Variants in EPS8 observed in about 807,000 individuals in gnomAD.
EPS8 encodes epidermal growth factor receptor kinase substrate 8.
In EPS8, 42 loss-of-function variants were observed where a neutral mutation model predicts 103.8. That is an observed-to-expected ratio of 0.40 (90% CI 0.32 to 0.52). The LOEUF (loss-of-function observed/expected upper bound fraction) is 0.52, where lower values mean the gene tolerates loss of function less well. Among genes scored for constraint, EPS8 ranks in the 20% least tolerant of loss-of-function variants. The pLI is 0.40. For missense variants in EPS8, 969 were observed against 1,005.1 expected (o/e 0.96, Z 0.49); for synonymous variants, 344 against 344.6 (o/e 1.00, Z 0.02).
chr12:15,753,231 AC>A (rs1370487984), intron 1 of EPS8, among the ~76,000 whole-genome samples: 1 of 152,136 alleles, frequency 6.6e-6, no homozygotes, highest in Non-Finnish European at 1.5e-5. Flanking sequence ...GTTTCTTGTT[AC>A]TTTTAAAAAG....
chr12:15,638,493 CATACGCTTCT>C (rs1945174904), intron 17 of EPS8, among the ~76,000 whole-genome samples: 1 of 152,150 alleles, frequency 6.6e-6, no homozygotes, highest in South Asian at 2.1e-4. Flanking sequence ...ACCTGAACAG[CATACGCTTCT>C]GCATACACAC....
At chr12:15,657,974 AC>A in intron 12 of EPS8, 104 bp downstream of exon 12, 1 of 696,094 alleles carries the variant, frequency 1.4e-6, no homozygotes, top group East Asian at 2.7e-5. Context: ...AAGAAATAGT[AC>A]CCACGCAAGG....
In EPS8 at chr12:15,728,460, T is replaced by G. The variant is rs1414129748; in HGVS notation, c.-21-45488A>C. 6.6e-6 allele frequency among the ~76,000 whole-genome samples: 1 copy of G among 152,172 alleles called. No individual in the cohort carries two copies. Among genetic ancestry groups the G allele is most frequent in the East Asian group, 1.9e-4 (1 of 5,204 alleles). ...GACTCATGGAAGGGTCATCTGTTCC[T>G]CACTACAAAGAACCTTAGAGAATGT... On this transcript the variant is annotated intron_variant, in intron 1 of 20. Transcript: ENST00000281172. The surrounding 1 kb of genome is among the most constrained non-coding windows in gnomAD (Gnocchi z 4.5).
intron 8 of EPS8, among the ~76,000 whole-genome samples, chr12:15,664,339 G>A (rs1258584881): frequency 3.3e-5 from 5 of 150,804 alleles, no homozygotes; most frequent in Admixed American, 6.6e-5. Flanking sequence ...TTGGTAGCTC[G>A]GCTTACATTT....
At chr12:15,750,526 G>A (rs1008983560) in intron 1 of EPS8, among the ~76,000 whole-genome samples, 5 of 152,200 alleles carry the variant, frequency 3.3e-5, no homozygotes, top group Non-Finnish European at 7.3e-5. Flanking sequence ...TATGGACAAT[G>A]TTAGAGTCCA....
chr12:15,649,352 T>C (rs1256687483), intron 14 of EPS8, among the ~76,000 whole-genome samples: 1 of 152,198 alleles, frequency 6.6e-6, no homozygotes, highest in Non-Finnish European at 1.5e-5. Context: ...GTATGAAGGC[T>C]ATAAGCTAGA....
At chr12:15,679,154 C>T (rs1039137803) in intron 3 of EPS8, among the ~76,000 whole-genome samples, 8 of 152,194 alleles carry the variant, frequency 5.3e-5, no homozygotes, top group East Asian at 3.9e-4. Flanking sequence ...TGCCATATTA[C>T]TTAAATCTCT....
chr12:15,786,937 CA>C (rs1395091958), intron 1 of EPS8, among the ~76,000 whole-genome samples: 3 of 152,084 alleles, frequency 2.0e-5, no homozygotes, highest in East Asian at 1.9e-4. Flanking sequence ...TACAGATGTC[CA>C]AAAGTTTGTA....
At chr12:15,655,266 C>T (rs185639297) in intron 12 of EPS8, among the ~76,000 whole-genome samples, 82 of 152,294 alleles carry the variant, frequency 5.4e-4, no homozygotes, top group Admixed American at 1.4e-3. Flanking sequence ...CGATGTACCA[C>T]TCCCCAGCCT....
chr12:15,632,490 G>A (rs1025616623), intron 17 of EPS8, among the ~76,000 whole-genome samples: 1 of 152,134 alleles, frequency 6.6e-6, no homozygotes, highest in African/African-American at 2.4e-5. Flanking sequence ...CATTGTGAGA[G>A]TCTCCAAATT....
At chr12:15,630,278 C>T (rs1412070166) in intron 18 of EPS8, among the ~76,000 whole-genome samples, 1 of 151,650 alleles carries the variant, frequency 6.6e-6, no homozygotes, top group Non-Finnish European at 1.5e-5. Context: ...TATGAAATAT[C>T]TTCATAGCTC....
rs1947029634 is a variant in EPS8, at chr12:15,760,419, CAT to C, written c.-22+28740_-22+28741del. On this transcript the variant is annotated intron_variant, in intron 1 of 20. Coordinates refer to ENST00000281172, the MANE Select transcript of EPS8 (RefSeq NM_004447.6). This position sits in a 1 kb window ranked among gnomAD's most constrained non-coding sequence, Gnocchi z 4.5. ...AATCCTACTCAAACTATTCTGAAAA[CAT>C]AGAGGAGAGGGTAATACTTCCAAAC... 6.6e-6 allele frequency among the ~76,000 whole-genome samples: 1 copy of C among 151,912 alleles called. No individual in the cohort carries two copies. The highest frequency in any genetic ancestry group is 2.4e-5 in the African/African-American group (1 of 41,386).
intron 1 of EPS8, among the ~76,000 whole-genome samples, chr12:15,768,051 T>C (rs1014370753): frequency 8.5e-5 from 13 of 152,088 alleles, no homozygotes; most frequent in Admixed American, 7.2e-4. Flanking sequence ...AATATTAGAG[T>C]TGGAAGAAAT....
At position 15,769,241 on chromosome 12, in the gene EPS8, C is replaced by T. The variant is rs550407217; in HGVS notation, c.-22+19920G>A. 6.6e-6 allele frequency among the ~76,000 whole-genome samples: 1 copy of T among 152,114 alleles called. No individual in the cohort carries two copies. Among genetic ancestry groups the T allele is most frequent in the African/African-American group, 2.4e-5 (1 of 41,498 alleles). On this transcript the variant is annotated intron_variant, in intron 1 of 20. Coordinates refer to ENST00000281172, the MANE Select transcript of EPS8 (RefSeq NM_004447.6). The surrounding 1 kb of genome is among the most constrained non-coding windows in gnomAD (Gnocchi z 4.6). ...AAATTGACATATGCTTAACAAAAAG[C>T]ACACAAAAAATAAGAGATACAATCA...
intron 18 of EPS8, among the ~76,000 whole-genome samples, chr12:15,628,263 T>C (rs192439282): frequency 6.6e-6 from 1 of 152,272 alleles, no homozygotes; most frequent in East Asian, 1.9e-4. Context: ...AAATAAAATG[T>C]ATCACCACAC....
chr12:15,635,960 G>A (rs373449441), intron 17 of EPS8, among the ~76,000 whole-genome samples: 4 of 151,714 alleles, frequency 2.6e-5, no homozygotes, highest in East Asian at 1.9e-4. Context: ...AATAATAAAC[G>A]CATAGATAAT....
intron 6 of EPS8, among the ~76,000 whole-genome samples, 188 bp from the exon 7 acceptor site, chr12:15,666,710 G>C (rs904103246): frequency 9.2e-5 from 14 of 152,120 alleles, no homozygotes; most frequent in Admixed American, 5.9e-4. Flanking sequence ...ATAATGATAA[G>C]ATTTTAAAAA....
intron 3 of EPS8, among the ~76,000 whole-genome samples, chr12:15,679,260 A>G (rs896028882): frequency 6.6e-5 from 10 of 152,188 alleles, no homozygotes; most frequent in Admixed American, 1.3e-4. Flanking sequence ...TCCTGAGTAA[A>G]AAACATCAAA....
chr12:15,759,994 G>T lies in EPS8; in HGVS notation c.-22+29167C>A, dbSNP rs1947024362. 6.6e-6 allele frequency among the ~76,000 whole-genome samples: 1 copy of T among 151,356 alleles called. No homozygotes were observed. Among genetic ancestry groups the T allele is most frequent in the Non-Finnish European group, 1.5e-5 (1 of 67,674 alleles). On this transcript the variant is annotated intron_variant, in intron 1 of 20. Transcript: ENST00000281172. This position sits in a 1 kb window ranked among gnomAD's most constrained non-coding sequence, Gnocchi z 4.9. ...CAGAAATAAGAGAAATTAAAAAGAA[G>T]AAAATATAAAAAAAATCAATGAAAC...
Sources: gnomAD v4.1 joint callset for allele counts (sites outside exome capture counted in the v4.1 genomes callset) on GRCh38, gnomAD v4.1.1 for gene constraint, Gnocchi (gnomAD v3.1) non-coding constraint, MANE v1.5 for transcripts, NCBI Gene and HGNC (gene_info 2026-07-23, HGNC 2026-07-21) for gene names.